The following XDH variants were observed in gnomAD, a reference collection of about 807,000 sequenced individuals.
The protein encoded by XDH is xanthine dehydrogenase.
XDH carries 138 observed loss-of-function variants against 156.1 expected under a neutral mutation model. The ratio of observed to expected loss-of-function variants is 0.88; its 90% CI spans 0.77 to 1.02. The LOEUF is 1.02. Ranked by LOEUF, XDH falls within the 50% of genes least tolerant of loss-of-function variation. The pLI, the probability that XDH is intolerant of heterozygous loss-of-function variation, is 0.00. For missense variants in XDH, 1,849 were observed against 1,684.9 expected, an observed-to-expected ratio of 1.10 and a Z score of -1.71; for synonymous variants, 669 against 625.7, an observed-to-expected ratio of 1.07 and a Z score of -1.03.
In XDH at chr2:31,334,854, G is replaced by C. The variant is rs1198454428; in HGVS notation, c.*1104C>G. 6.6e-6 allele frequency: 1 copy of C among 152,072 alleles called. No individual in the cohort carries two copies. Among genetic ancestry groups the C allele is most frequent in the Non-Finnish European group, 1.5e-5 (1 of 68,030 alleles). 9.4% of individuals were successfully genotyped at this position (152,072 alleles called of 1,614,324 possible). A position where few individuals can be genotyped will look rare whatever the true frequency, so the allele number is the denominator to read the frequency against. ...TCTACCTCTGGTTGGGCTTGATTTT[G>C]ATAGCAGCATTTTTATTTCTTTTTT... is the stretch of plus-strand genomic sequence containing the variant. On this transcript the variant is annotated 3_prime_UTR_variant, in exon 36 of 36. Transcript: ENST00000379416.
intron 15 of XDH, 80 bp from the exon 16 acceptor site, chr2:31,374,036 C>G: frequency 1.4e-6 from 2 of 1,392,964 alleles, no homozygotes; most frequent in Non-Finnish European, 2.0e-6. Flanking sequence ...TAAAAATGAC[C>G]AAACTGATAA....
chr2:31,365,504 C>A lies in XDH; in HGVS notation c.2497G>T (p.Asp833Tyr). ...PVRCMLDRDEDMLITGGRHPF... is the reference protein window; with the variant it reads ...PVRCMLDRDEYMLITGGRHPF... ...TGTCTGCCACCAGTTATCAGCATGT[C>A]CTCATCACGGTCCAGCATGCATCGC... The change falls in exon 23 of 36, where the codon GAC becomes TAC. Residue 833 changes from aspartate to tyrosine, a missense_variant. By Grantham distance (160) the Asp-to-Tyr change is radical. Coordinates refer to ENST00000379416, the MANE Select transcript of XDH (RefSeq NM_000379.4). The A allele has an allele frequency of 6.2e-7, 1 of 1,614,170 alleles. No individual in the cohort carries two copies. Among genetic ancestry groups the A allele is most frequent in the South Asian group, 1.1e-5 (1 of 91,078 alleles).
intron 2 of XDH, among the ~76,000 whole-genome samples, chr2:31,403,786 G>A (rs1457874138): frequency 1.3e-5 from 2 of 152,112 alleles, no homozygotes; most frequent in Non-Finnish European, 2.9e-5. Flanking sequence ...GCTACTTTGA[G>A]TTTTAAAAGT....
rs4952089 is a variant in XDH at position 31,376,833 on chromosome 2, C to T, written c.1427+220G>A. 0.47 allele frequency among the ~76,000 whole-genome samples: 70,023 copies of T among 149,752 alleles called. 17,919 individuals carry two copies. The highest frequency in any genetic ancestry group is 0.69 in the African/African-American group (28,029 of 40,912). On this transcript the variant is annotated intron_variant, in intron 14 of 35. Coordinates refer to ENST00000379416, the MANE Select transcript of XDH (RefSeq NM_000379.4). The stretch of plus-strand genomic sequence containing the variant: ...TAATAGCATAGCAGTGGCAATACTC[C>T]TAGTAGTAATACTAGTAGTAGTATC...
At chr2:31,413,633 CA>C (rs2148016683) in intron 1 of XDH, among the ~76,000 whole-genome samples, 1 of 152,308 alleles carries the variant, frequency 6.6e-6, no homozygotes, top group African/African-American at 2.4e-5. Flanking sequence ...AAAATTACAT[CA>C]AAAGTTTCTC....
At chr2:31,357,567 G>A (rs898638222) in intron 24 of XDH, among the ~76,000 whole-genome samples, 1 of 151,932 alleles carries the variant, frequency 6.6e-6, no homozygotes, top group African/African-American at 2.4e-5. Context: ...GGGGGACAGA[G>A]GATAAAATGG....
At chr2:31,370,691 T>C (rs977317482) in intron 17 of XDH, among the ~76,000 whole-genome samples, 1 of 152,228 alleles carries the variant, frequency 6.6e-6, no homozygotes, top group East Asian at 1.9e-4. Flanking sequence ...ATGCTGAATG[T>C]TGCTGGGGAT....
chr2:31,409,859 C>T (rs938600651), intron 1 of XDH, among the ~76,000 whole-genome samples: 1 of 152,126 alleles, frequency 6.6e-6, no homozygotes, highest in African/African-American at 2.4e-5. Context: ...AAAAATAGAA[C>T]CAGCATATGA....
At chr2:31,365,375 G>T in intron 23 of XDH, 82 bp downstream of exon 23, 1 of 1,469,232 alleles carries the variant, frequency 6.8e-7, no homozygotes, top group Non-Finnish European at 9.5e-7. Context: ...TAGGAGTGCA[G>T]CTCAGGATGC....
Position 31,339,454 on chromosome 2 carries a change from T to A in XDH, c.3774+35A>T, listed in dbSNP as rs542684202. 15 of 1,613,020 alleles carry A rather than the reference T, an allele frequency of 9.3e-6. No individual in the cohort carries two copies. In the South Asian group the frequency reaches 1.6e-4, roughly 18 times the overall value. ...CCGCTGGGGCCTCCCCCAGGGCAGA[T>A]CAGAAGAGACAGCACAGAGCCAGAG... On this transcript the variant is annotated intron_variant, in intron 34 of 35. Transcript: ENST00000379416.
At chr2:31,341,437 G>C in intron 32 of XDH, 43 bp from the exon 33 acceptor site, 1 of 1,544,618 alleles carries the variant, frequency 6.5e-7, no homozygotes, top group Non-Finnish European at 8.8e-7. Context: ...AGGAGGAAAA[G>C]ATGTTTGGAA....
rs908527733 is a variant in XDH, at chr2:31,335,664, G to C, written c.*294C>G. 1.8e-5 allele frequency: 9 copies of C among 506,492 alleles called. No homozygotes were observed. Among genetic ancestry groups the C allele is most frequent in the Non-Finnish European group, 3.2e-5 (9 of 278,024 alleles). 31.4% of individuals were successfully genotyped at this position (506,492 alleles called of 1,614,324 possible). On this transcript the variant is annotated 3_prime_UTR_variant, in exon 36 of 36. Coordinates refer to ENST00000379416, the MANE Select transcript of XDH (RefSeq NM_000379.4). Reference sequence around the variant, plus strand: ...CAGGCTGTCCAGTAAGTGGGGAATAGCACAAACCCTTCCCGACCCTATTCC... The same window carrying C: ...CAGGCTGTCCAGTAAGTGGGGAATACCACAAACCCTTCCCGACCCTATTCC...
At chr2:31,373,803 G>A (rs1188658947) in intron 16 of XDH, 70 bp downstream of exon 16, 1 of 1,495,076 alleles carries the variant, frequency 6.7e-7, no homozygotes, top group African/African-American at 1.4e-5. Flanking sequence ...ATTAGCCGAT[G>A]GTCAGCCACT....
chr2:31,373,626 A>G (rs1686141618), intron 16 of XDH, among the ~76,000 whole-genome samples: 1 of 152,094 alleles, frequency 6.6e-6, no homozygotes, highest in South Asian at 2.1e-4. Flanking sequence ...AAAAAAAAAA[A>G]TCTGTAAGGA....
intron 4 of XDH, among the ~76,000 whole-genome samples, chr2:31,400,393 T>C (rs1687025734): frequency 6.6e-6 from 1 of 151,844 alleles, no homozygotes; most frequent in Admixed American, 6.6e-5. Flanking sequence ...CGCCCGCCAC[T>C]CCGCCTGGCT....
intron 7 of XDH, 30 bp from the exon 8 acceptor site, chr2:31,387,927 C>A: frequency 1.3e-6 from 2 of 1,555,306 alleles, no homozygotes; most frequent in Non-Finnish European, 1.7e-6. Context: ...GTAGGTGATG[C>A]AGTATCTCCT....
At chr2:31,365,722 C>T (rs533155372) in intron 22 of XDH, among the ~76,000 whole-genome samples, 178 bp from the exon 23 acceptor site, 2 of 152,280 alleles carry the variant, frequency 1.3e-5, no homozygotes, top group South Asian at 2.1e-4. Context: ...TATAAGGAAG[C>T]GAGGTATGTG....
chr2:31,411,146 G>A (rs112810470), intron 1 of XDH, among the ~76,000 whole-genome samples: 36,645 of 151,772 alleles, frequency 0.24, 5,325 homozygotes, highest in Non-Finnish European at 0.31. Flanking sequence ...AGCCAGGCAC[G>A]GTGGTGGGCG....
intron 26 of XDH, among the ~76,000 whole-genome samples, chr2:31,349,187 C>A (rs1410146042): frequency 6.6e-6 from 1 of 152,202 alleles, no homozygotes; most frequent in Non-Finnish European, 1.5e-5. Flanking sequence ...CCCTGGTAAT[C>A]TTGGGCTGTC....
Sources: allele counts gnomAD v4.1 joint callset (sites outside exome capture counted in the v4.1 genomes callset), GRCh38; gene constraint gnomAD v4.1.1; transcripts MANE v1.5; gene names NCBI Gene and HGNC (gene_info 2026-07-23, HGNC 2026-07-21).